RNFT2: variants seen among roughly 807,000 people sequenced by gnomAD.
The protein encoded by RNFT2 is E3 ubiquitin-protein ligase RNFT2.
A neutral mutation model predicts 53.0 loss-of-function variants in RNFT2; 36 were observed. The ratio of observed to expected loss-of-function variants is 0.68; its 90% CI spans 0.52 to 0.90. The LOEUF (loss-of-function observed/expected upper bound fraction) is 0.90. Ranked by LOEUF, RNFT2 falls within the 40% of genes least tolerant of loss-of-function variation. RNFT2 has a pLI of 0.00. For synonymous variants in RNFT2, 260 were observed against 253.2 expected, an observed-to-expected ratio of 1.03 and a Z score of -0.26; for missense variants, 514 against 585.6, an observed-to-expected ratio of 0.88 and a Z score of 1.26.
chr12:116,839,392 A>G (rs535746629), intron 10 of RNFT2, among the ~76,000 whole-genome samples: 26 of 100,402 alleles, frequency 2.6e-4, no homozygotes, highest in African/African-American at 9.4e-4. Context: ...GGGTGGGTGG[A>G]TGGATGGATG....
intron 10 of RNFT2, among the ~76,000 whole-genome samples, chr12:116,847,291 T>G (rs1431151716): frequency 6.6e-6 from 1 of 152,168 alleles, no homozygotes; most frequent in Non-Finnish European, 1.5e-5. Context: ...CAAAGTGCCC[T>G]TTATAGCTGG....
At chr12:116,791,651 T>G (rs193201944) in intron 7 of RNFT2, among the ~76,000 whole-genome samples, 2 of 152,366 alleles carry the variant, frequency 1.3e-5, no homozygotes, top group African/African-American at 4.8e-5. Context: ...ATTGTGTGGA[T>G]AGACTACAAT....
chr12:116,789,228 G>A (rs115852052), intron 7 of RNFT2, among the ~76,000 whole-genome samples: 2,089 of 146,924 alleles, frequency 0.014, 63 homozygotes, highest in African/African-American at 0.05. Flanking sequence ...GTAAATGGGA[G>A]GAGAGTAGAT....
intron 7 of RNFT2, among the ~76,000 whole-genome samples, chr12:116,821,182 T>C (rs1043662191): frequency 6.6e-6 from 1 of 152,128 alleles, no homozygotes; most frequent in Admixed American, 6.5e-5. Context: ...TCTCTCTTCC[T>C]TTCTTCTGCC....
intron 7 of RNFT2, among the ~76,000 whole-genome samples, chr12:116,819,404 G>C (rs763290339): frequency 6.6e-6 from 1 of 152,090 alleles, no homozygotes; most frequent in Non-Finnish European, 1.5e-5. Flanking sequence ...GGGGCGGCCC[G>C]GGGCGCGGGG....
chr12:116,762,267 C>G (rs955802998), intron 5 of RNFT2, among the ~76,000 whole-genome samples: 3 of 152,124 alleles, frequency 2.0e-5, no homozygotes, highest in Admixed American at 1.3e-4. Context: ...GTAATCCCAG[C>G]TACTTGGGAG....
intron 7 of RNFT2, among the ~76,000 whole-genome samples, chr12:116,808,471 C>G (rs1227900491): frequency 6.6e-6 from 1 of 152,212 alleles, no homozygotes; most frequent in Non-Finnish European, 1.5e-5. Context: ...AGGCTACATT[C>G]TGCCACCAAG....
chr12:116,771,546 A>G (rs1469905641), intron 6 of RNFT2, among the ~76,000 whole-genome samples: 3 of 148,504 alleles, frequency 2.0e-5, no homozygotes, highest in African/African-American at 7.5e-5. Context: ...TGTATTTTAT[A>G]ATTTTTTTGT....
At chr12:116,746,816 T>C (rs1480313064) in intron 3 of RNFT2, among the ~76,000 whole-genome samples, 1 of 152,122 alleles carries the variant, frequency 6.6e-6, no homozygotes, top group African/African-American at 2.4e-5. Flanking sequence ...GAACACAGAA[T>C]GGGAAGCCCT....
At chr12:116,778,254 A>G (rs1007002986) in intron 6 of RNFT2, among the ~76,000 whole-genome samples, 2 of 152,110 alleles carry the variant, frequency 1.3e-5, no homozygotes, top group African/African-American at 2.4e-5. Context: ...TTGATCCCCA[A>G]TGATGTTGGG....
intron 7 of RNFT2, among the ~76,000 whole-genome samples, chr12:116,798,369 A>G (rs1279986321): frequency 6.6e-6 from 1 of 152,180 alleles, no homozygotes; most frequent in Non-Finnish European, 1.5e-5. Flanking sequence ...GATTGTTCGG[A>G]TAAATACATA....
At chr12:116,825,753 G>A (rs553118299) in intron 7 of RNFT2, among the ~76,000 whole-genome samples, 1 of 152,224 alleles carries the variant, frequency 6.6e-6, no homozygotes, top group East Asian at 1.9e-4. Context: ...ATATGTATGT[G>A]TGTATGTATG....
At chr12:116,828,649 G>A (rs1876475513) in intron 7 of RNFT2, among the ~76,000 whole-genome samples, 1 of 152,130 alleles carries the variant, frequency 6.6e-6, no homozygotes, top group African/African-American at 2.4e-5. Flanking sequence ...GCAAGGATGG[G>A]AGGGAAGAAG....
chr12:116,838,022 T>TA (rs112216457), intron 10 of RNFT2, among the ~76,000 whole-genome samples: 10,823 of 151,540 alleles, frequency 0.071, 910 homozygotes, highest in African/African-American at 0.2. Flanking sequence ...CATATTTTTT[T>TA]AAAAAAAAAC....
chr12:116,831,773 A>T (rs1283403745), intron 7 of RNFT2, among the ~76,000 whole-genome samples: 1 of 151,100 alleles, frequency 6.6e-6, no homozygotes, highest in Non-Finnish European at 1.5e-5. Flanking sequence ...TGTATATTTC[A>T]ATGAGTTTTG....
chr12:116,784,486 A>G (rs748512415), intron 7 of RNFT2, among the ~76,000 whole-genome samples: 29 of 152,162 alleles, frequency 1.9e-4, no homozygotes, highest in Non-Finnish European at 4.0e-4. Context: ...GCTGGTACGA[A>G]AAAACATGGC....
intron 7 of RNFT2, among the ~76,000 whole-genome samples, chr12:116,801,778 G>C (rs1369556991): frequency 6.6e-6 from 1 of 151,610 alleles, no homozygotes; most frequent in East Asian, 1.9e-4. Context: ...GCATTTTATT[G>C]GTTTGTTTGT....
At chr12:116,754,170 T>C (rs1485730626) in intron 5 of RNFT2, 110 bp downstream of exon 5, 1 of 833,010 alleles carries the variant, frequency 1.2e-6, no homozygotes, top group Non-Finnish European at 2.0e-6. Flanking sequence ...TTCTTATGCC[T>C]TTGCGTCCTC....
chr12:116,759,623 TTGTC>T lies in RNFT2; in HGVS notation c.627+5569_627+5572del. Among the ~76,000 whole-genome samples, 4 of 152,338 alleles carry T rather than the reference TTGTC, an allele frequency of 2.6e-5. No individual in the cohort carries two copies. In the South Asian group the frequency reaches 8.3e-4, roughly 32 times the overall value. On this transcript the variant is annotated intron_variant, in intron 5 of 10. Coordinates refer to ENST00000257575, the MANE Select transcript of RNFT2 (RefSeq NM_001382266.1). ...CCTGTGAGCCAAACTGCAGTGATTG[TTGTC>T]TGTCTTCTGGGTCTAGCCACCCAGC...
Sources: gnomAD v4.1 joint callset for allele counts (sites outside exome capture counted in the v4.1 genomes callset) on GRCh38, gnomAD v4.1.1 for gene constraint, MANE v1.5 for transcripts, NCBI Gene and HGNC (gene_info 2026-07-23, HGNC 2026-07-21) for gene names.